Variants in CRAMP1 observed in about 807,000 individuals in gnomAD.
CRAMP1 encodes cramped chromatin regulator 1.
In CRAMP1, 50 loss-of-function variants were observed where a neutral mutation model predicts 115.4. The observed-to-expected ratio is 0.43, with a 90% CI of 0.35 to 0.55. The LOEUF (loss-of-function observed/expected upper bound fraction) is 0.55, where lower values mean the gene tolerates loss of function less well. Ranked by LOEUF, CRAMP1 falls within the 20% of genes least tolerant of loss-of-function variation. The pLI is 0.01. For synonymous variants in CRAMP1, 866 were observed against 745.4 expected (o/e 1.16, Z -2.64); for missense variants, 1,679 against 1,721.7 (o/e 0.98, Z 0.44).
intron 4 of CRAMP1, among the ~76,000 whole-genome samples, chr16:1,632,716 G>A (rs1473602937): frequency 6.6e-6 from 1 of 152,256 alleles, no homozygotes; most frequent in African/African-American, 2.4e-5. Flanking sequence ...GTCCAGCGAG[G>A]GGCTTGGGCC....
In CRAMP1 at chr16:1,617,525, C is replaced by T. The variant is rs186660602; in HGVS notation, c.346+2540C>T. On this transcript the variant is annotated intron_variant, in intron 2 of 20. Transcript: ENST00000397412. ...TGGTGAGCATCTGTCAGGGAGGAAACGATCAATACTTCATGTTTCAATTTT... is the reference window on the plus strand; with the variant it reads ...TGGTGAGCATCTGTCAGGGAGGAAATGATCAATACTTCATGTTTCAATTTT... 6.6e-5 allele frequency among the ~76,000 whole-genome samples: 10 copies of T among 152,322 alleles called. No individual in the cohort carries two copies. The East Asian group carries it at 1.7e-3, about 26-fold the overall frequency.
intron 2 of CRAMP1, among the ~76,000 whole-genome samples, chr16:1,624,411 CT>C (rs1168646416): frequency 4.7e-5 from 7 of 148,790 alleles, no homozygotes; most frequent in Non-Finnish European, 7.4e-5. Context: ...ATTTGCTTGG[CT>C]TTTGCTTTTT....
At chr16:1,647,267 T>A (rs1402341867) in intron 6 of CRAMP1, among the ~76,000 whole-genome samples, 1 of 152,250 alleles carries the variant, frequency 6.6e-6, no homozygotes, top group Non-Finnish European at 1.5e-5. Context: ...GAAAGCTTAC[T>A]ACGTGGTTCG....
At chr16:1,641,537 C>A (rs1398649213) in intron 6 of CRAMP1, among the ~76,000 whole-genome samples, 2 of 152,194 alleles carry the variant, frequency 1.3e-5, no homozygotes, top group African/African-American at 2.4e-5. Flanking sequence ...CTTCTAGGGC[C>A]TCTCCTTTCC....
intron 13 of CRAMP1, among the ~76,000 whole-genome samples, 192 bp downstream of exon 13, chr16:1,663,027 T>C (rs923188660): frequency 6.6e-6 from 1 of 152,240 alleles, no homozygotes; most frequent in Non-Finnish European, 1.5e-5. Flanking sequence ...AAGGTAATCT[T>C]TCAATAACAT....
rs1241675039 is a variant in CRAMP1, at chr16:1,614,971, G to C, written c.332G>C (p.Gly111Ala). ...AVGSGNAGGS[G>A]PRGKGAEGGG... ...GGGAGCGGCAACGCCGGTGGCTCGG[G>C]GCCCCGCGGAAAAGGTAGGGCGGCC... is the stretch of plus-strand genomic sequence containing the variant. The change falls in exon 2 of 21, where the codon GGG becomes GCG. Residue 111 changes from glycine to alanine, a missense_variant. By Grantham distance (60) the Gly-to-Ala change is moderately conservative. Coordinates refer to ENST00000397412, the MANE Select transcript of CRAMP1 (RefSeq NM_020825.4). The surrounding 1 kb of genome is among the most constrained non-coding windows in gnomAD (Gnocchi z 4.4). 12 of 1,254,956 alleles carry C rather than the reference G, an allele frequency of 9.6e-6. No individual in the cohort carries two copies. Among genetic ancestry groups the C allele is most frequent in the Non-Finnish European group, 1.2e-5 (12 of 999,256 alleles). The allele number at this position is 1,254,956 out of a possible 1,614,324, so 77.7% of individuals were successfully genotyped here.
chr16:1,624,944 C>T (rs2036496853), intron 2 of CRAMP1, among the ~76,000 whole-genome samples: 2 of 152,068 alleles, frequency 1.3e-5, no homozygotes. Flanking sequence ...GCATGCTGGT[C>T]TCGAACTTTT....
In CRAMP1 at chr16:1,675,260, C is replaced by A. The variant is rs967938775; in HGVS notation, c.*1215C>A. 1.3e-5 allele frequency: 2 copies of A among 152,352 alleles called. No homozygotes were observed. Among genetic ancestry groups the A allele is most frequent in the African/African-American group, 4.8e-5 (2 of 41,452 alleles). The allele number at this position is 152,352 out of a possible 1,614,324, so 9.4% of individuals were successfully genotyped here. On this transcript the variant is annotated 3_prime_UTR_variant, in exon 21 of 21. Transcript: ENST00000397412. ...ACAGAGCTAACAAGGGCCCCTTTGCCTTCTCATCCTCAGGAGTTCCAGGCA... is the reference window on the plus strand; with the variant it reads ...ACAGAGCTAACAAGGGCCCCTTTGCATTCTCATCCTCAGGAGTTCCAGGCA...
intron 13 of CRAMP1, 27 bp from the exon 14 acceptor site, chr16:1,665,030 C>T: frequency 1.3e-6 from 2 of 1,517,396 alleles, no homozygotes; most frequent in East Asian, 2.3e-5. Flanking sequence ...GTTTCATCAC[C>T]TTGATTGTTG....
intron 6 of CRAMP1, among the ~76,000 whole-genome samples, chr16:1,649,302 G>A (rs1028492345): frequency 2.0e-5 from 3 of 152,078 alleles, no homozygotes; most frequent in African/African-American, 4.8e-5. Flanking sequence ...GTGGACAGAC[G>A]GACACGTGAG....
At chr16:1,658,823 T>C (rs937674986) in intron 10 of CRAMP1, among the ~76,000 whole-genome samples, 49 of 152,144 alleles carry the variant, frequency 3.2e-4, no homozygotes, top group African/African-American at 1.1e-3. Flanking sequence ...AGGGCTGTGC[T>C]GAGAGCACGG....
intron 5 of CRAMP1, among the ~76,000 whole-genome samples, chr16:1,639,020 C>T (rs755027375): frequency 6.6e-6 from 1 of 152,030 alleles, no homozygotes; most frequent in East Asian, 1.9e-4. Flanking sequence ...CCTGTTCCTG[C>T]CGCCTCTCAT....
intron 6 of CRAMP1, among the ~76,000 whole-genome samples, chr16:1,647,597 G>A (rs995819375): frequency 1.1e-4 from 17 of 151,844 alleles, no homozygotes; most frequent in African/African-American, 2.9e-4. Context: ...AAAATTAGCC[G>A]GGTGTATGTT....
Position 1,662,532 on chromosome 16 carries a change from C to T in CRAMP1, c.2456C>T (p.Ser819Phe), listed in dbSNP as rs755554549. Residue 819 changes from serine (S) to phenylalanine (F), a missense_variant, in exon 12 of 21, where the codon TCC (serine) becomes TTC (phenylalanine). Ser to Phe is a radical substitution (Grantham distance 155, BLOSUM62 -2). This residue lies in a region of CRAMP1 where 709 missense variants were observed against 741.9 expected (regional missense o/e 0.96). Coordinates refer to ENST00000397412, the MANE Select transcript of CRAMP1 (RefSeq NM_020825.4). ...PPRPLLVPGP[S>F]STGSNDSDGG... is the part of the protein sequence containing the mutation. ...AGACCCCTCTTGGTGCCTGGTCCCT[C>T]CAGCACAGGAAGCAATGACTCAGAT... 1.9e-6 allele frequency: 3 copies of T among 1,613,978 alleles called. No individual in the cohort carries two copies. Among genetic ancestry groups the T allele is most frequent in the Middle Eastern group, 1.6e-4 (1 of 6,062 alleles).
chr16:1,625,937 C>A, intron 2 of CRAMP1, 36 bp from the exon 3 acceptor site: 2 of 1,549,438 alleles, frequency 1.3e-6, no homozygotes, highest in Non-Finnish European at 1.7e-6. Context: ...CGCCAGCTTT[C>A]TGGAACAGAT....
chr16:1,654,927 T>C (rs1230434389), intron 8 of CRAMP1, among the ~76,000 whole-genome samples: 1 of 152,266 alleles, frequency 6.6e-6, no homozygotes, highest in Non-Finnish European at 1.5e-5. Flanking sequence ...AGGCAGAGGC[T>C]GTGCGCCAGC....
At chr16:1,624,861 C>A (rs560632803) in intron 2 of CRAMP1, among the ~76,000 whole-genome samples, 1 of 151,982 alleles carries the variant, frequency 6.6e-6, no homozygotes, top group African/African-American at 2.4e-5. Context: ...GGATGACAGG[C>A]GTGAGCCACT....
chr16:1,642,650 C>A (rs995992348), intron 6 of CRAMP1, among the ~76,000 whole-genome samples: 1 of 152,226 alleles, frequency 6.6e-6, no homozygotes, highest in Admixed American at 6.5e-5. Flanking sequence ...TTGGAGGAAC[C>A]GTCTTGAGAA....
intron 2 of CRAMP1, among the ~76,000 whole-genome samples, chr16:1,618,471 T>C (rs1475179797): frequency 6.6e-6 from 1 of 152,048 alleles, no homozygotes; most frequent in Non-Finnish European, 1.5e-5. Context: ...ATGCTGGTGC[T>C]CTGCTGGGGC....
Sources: allele counts gnomAD v4.1 joint callset (sites outside exome capture counted in the v4.1 genomes callset), GRCh38; gene constraint gnomAD v4.1.1; regional missense constraint gnomAD v4.1.1; non-coding constraint Gnocchi (gnomAD v3.1); transcripts MANE v1.5; gene names NCBI Gene and HGNC (gene_info 2026-07-23, HGNC 2026-07-21).